The following CCDC146 variants were observed in gnomAD, a reference collection of about 807,000 sequenced individuals.
CCDC146 encodes the protein coiled-coil domain-containing protein 146.
In CCDC146, 92 loss-of-function variants were observed where a neutral mutation model predicts 119.3. That is an observed-to-expected ratio of 0.77 (90% CI 0.65 to 0.92). The LOEUF (loss-of-function observed/expected upper bound fraction) is 0.92. Among genes scored for constraint, CCDC146 ranks in the 40% least tolerant of loss-of-function variants. The pLI, the probability that CCDC146 is intolerant of heterozygous loss-of-function variation, is 0.00. For missense variants in CCDC146, 1,000 were observed against 1,103.0 expected (o/e 0.91, Z 1.32); for synonymous variants, 372 against 371.8 (o/e 1.00, Z -0.01).
chr7:77,123,403 G>GGGGTGTGTGTGTGTGT (rs1379477523), intron 1 of CCDC146, among the ~76,000 whole-genome samples: 1 of 125,194 alleles, frequency 8.0e-6, no homozygotes, highest in African/African-American at 3.0e-5. Context: ...GACCCTATAA[G>GGGGTGTGTGTGTGTGT]GTGTGTGTGT....
At position 77,286,818 on chromosome 7, in the gene CCDC146, A is replaced by C. The variant is rs374363890; in HGVS notation, c.2169A>C (p.Arg723Ser). Residue 723 changes from arginine (R) to serine (S), a missense_variant, in exon 16 of 19, where the codon AGA (arginine) becomes AGC (serine). Physicochemically the swap from Arg to Ser is moderately radical, Grantham distance 110. Around this residue, in one of 2 missense-constraint regions of CCDC146, gnomAD observed 985 missense variants for 1,045.3 expected, o/e 0.94. Coordinates refer to ENST00000285871, the MANE Select transcript of CCDC146 (RefSeq NM_020879.3). Reference protein sequence around the residue: ...LQIQFSQCTDRIKDLEKQFVK... With the variant: ...LQIQFSQCTDSIKDLEKQFVK... ...AATAGTTTTCACAGTGTACAGACAG[A>C]ATTAAAGACCTGGAGAAACAGTTCG... 12 of 1,613,720 alleles carry C rather than the reference A, an allele frequency of 7.4e-6. No homozygotes were observed. In the East Asian group the frequency reaches 2.2e-4, roughly 30 times the overall value.
At chr7:77,212,704 T>C (rs963714849) in intron 2 of CCDC146, among the ~76,000 whole-genome samples, 3 of 149,742 alleles carry the variant, frequency 2.0e-5, no homozygotes, top group Non-Finnish European at 4.5e-5. Context: ...AATAAATAAA[T>C]AAACAAAAAA....
At chr7:77,201,473 G>A (rs1289049925) in intron 2 of CCDC146, among the ~76,000 whole-genome samples, 11 of 151,648 alleles carry the variant, frequency 7.3e-5, no homozygotes, top group Admixed American at 7.2e-4. Flanking sequence ...AGAATCACTT[G>A]AACCCAGGAG....
At chr7:77,132,727 T>G (rs1221667715) in intron 1 of CCDC146, among the ~76,000 whole-genome samples, 2 of 151,660 alleles carry the variant, frequency 1.3e-5, no homozygotes, top group African/African-American at 4.8e-5. Context: ...ACAAAGTGAG[T>G]CTCTGTCTTA....
chr7:77,236,980 A>G lies in CCDC146; in HGVS notation c.190A>G (p.Met64Val). Residue 64 changes from methionine (M) to valine (V), a missense_variant, in exon 3 of 19, where the codon ATG becomes GTG. Physicochemically the swap from Met to Val is conservative, Grantham distance 21 (BLOSUM62 1). Around this residue, in one of 2 missense-constraint regions of CCDC146, gnomAD observed 985 missense variants for 1,045.3 expected, o/e 0.94. Transcript: ENST00000285871. The part of the protein sequence containing the change: ...HAMGKLPGTR[M>V]AALKAKYTLL... ...TATGGGAAAACTTCCTGGAACCAGA[A>G]TGGCAGCGTTAAAAGCCAAGTATAC... is the stretch of plus-strand genomic sequence containing the variant. 3.1e-6 allele frequency: 5 copies of G among 1,614,188 alleles called. No individual in the cohort carries two copies. Among genetic ancestry groups the G allele is most frequent in the South Asian group, 1.1e-5 (1 of 91,090 alleles).
chr7:77,151,739 G>A (rs1254983095), intron 1 of CCDC146, among the ~76,000 whole-genome samples: 1 of 152,118 alleles, frequency 6.6e-6, no homozygotes, highest in Non-Finnish European at 1.5e-5. Flanking sequence ...TTGTCTGGCC[G>A]ACGGTTGGTG....
chr7:77,240,293 T>C (rs1584102664), intron 3 of CCDC146, among the ~76,000 whole-genome samples: 2 of 152,344 alleles, frequency 1.3e-5, no homozygotes, highest in Admixed American at 6.5e-5. Flanking sequence ...CCAGCGGTAG[T>C]ACTTGTCATC....
chr7:77,278,777 A>G lies in CCDC146; in HGVS notation c.1466A>G (p.Glu489Gly), dbSNP rs1195850580. The G allele has an allele frequency of 8.1e-6, 13 of 1,611,236 alleles. No homozygotes were observed. Among genetic ancestry groups the G allele is most frequent in the Non-Finnish European group, 1.0e-5 (12 of 1,178,920 alleles). Residue 489 changes from glutamate (E) to glycine (G), a missense_variant, in exon 12 of 19, where the codon GAA becomes GGA. Physicochemically the swap from Glu to Gly is moderately conservative, Grantham distance 98 (BLOSUM62 -2). Around this residue, in one of 2 missense-constraint regions of CCDC146, gnomAD observed 985 missense variants for 1,045.3 expected, o/e 0.94. Transcript: ENST00000285871. The stretch of plus-strand genomic sequence containing the variant: ...CAAAAATACACCAACATTGTTAAAG[A>G]AATGAAAGCAAAGGATCTTGAAATC... Reference protein sequence around the residue: ...AQQKYTNIVKEMKAKDLEIRI... With the variant: ...AQQKYTNIVKGMKAKDLEIRI...
chr7:77,131,939 G>A (rs1284493316), intron 1 of CCDC146, among the ~76,000 whole-genome samples: 3 of 152,210 alleles, frequency 2.0e-5, no homozygotes, highest in African/African-American at 7.2e-5. Flanking sequence ...TTTACTTTGG[G>A]CCAAGGGAAG....
intron 1 of CCDC146, among the ~76,000 whole-genome samples, chr7:77,160,065 G>C (rs569884440): frequency 6.6e-6 from 1 of 152,212 alleles, no homozygotes; most frequent in Non-Finnish European, 1.5e-5. Flanking sequence ...GTTTGTCAAA[G>C]ATCAGATAGT....
At chr7:77,294,463 G>GGTGT (rs61323999) in intron 18 of CCDC146, among the ~76,000 whole-genome samples, 200 bp from the exon 19 acceptor site, 8,415 of 134,122 alleles carry the variant, frequency 0.063, 325 homozygotes, top group African/African-American at 0.1. Flanking sequence ...ATGAGAGGTA[G>GGTGT]GTGTGTGTGT....
In CCDC146 at chr7:77,209,384, G is replaced by A. The variant is rs376178517; in HGVS notation, c.157-27563G>A. 2.0e-4 allele frequency among the ~76,000 whole-genome samples: 30 copies of A among 152,326 alleles called. 1 individual carries two copies. In the South Asian group the frequency reaches 5.6e-3, roughly 28 times the overall value. On this transcript the variant is annotated intron_variant, in intron 2 of 18. Coordinates refer to ENST00000285871, the MANE Select transcript of CCDC146 (RefSeq NM_020879.3). ...ACTTCATGTCTCACATCCAAGCTAC[G>A]CTGACACAGGGGTGGGCTCTCAAGG...
chr7:77,169,821 G>A (rs1468099121), intron 2 of CCDC146, among the ~76,000 whole-genome samples: 1 of 152,056 alleles, frequency 6.6e-6, no homozygotes, highest in Non-Finnish European at 1.5e-5. Context: ...ATTTCTTGGA[G>A]GATCCCTAGT....
chr7:77,274,733 A>G lies in CCDC146; in HGVS notation c.1440+81A>G, dbSNP rs1793597816. The G allele has an allele frequency of 5.5e-6, 6 of 1,099,436 alleles. No homozygotes were observed. The Admixed American group carries it at 1.2e-4, about 22-fold the overall frequency. The allele number at this position is 1,099,436 out of a possible 1,614,324, so 68.1% of individuals were successfully genotyped here. On this transcript the variant is annotated intron_variant, in intron 11 of 18. Transcript: ENST00000285871. The stretch of plus-strand genomic sequence containing the variant: ...ATTATAATGCCACGTGCATTAGGAC[A>G]TGGATGAAGCTAGAAACCATCATTG...
chr7:77,252,126 G>A (rs1410022423), intron 4 of CCDC146, among the ~76,000 whole-genome samples: 1 of 152,120 alleles, frequency 6.6e-6, no homozygotes, highest in African/African-American at 2.4e-5. Flanking sequence ...TCCAGCCTAG[G>A]GAACAGAGCG....
At chr7:77,272,082 T>C (rs923934422) in intron 9 of CCDC146, among the ~76,000 whole-genome samples, 3 of 152,218 alleles carry the variant, frequency 2.0e-5, no homozygotes, top group Non-Finnish European at 2.9e-5. Context: ...AGGTCTTAAC[T>C]TGACTTTCCT....
At chr7:77,261,646 T>A (rs1793301199) in intron 8 of CCDC146, among the ~76,000 whole-genome samples, 1 of 150,886 alleles carries the variant, frequency 6.6e-6, no homozygotes, top group South Asian at 2.1e-4. Context: ...CCCGGCTAAT[T>A]TTTTGTATTT....
chr7:77,200,027 C>A (rs1562831095), intron 2 of CCDC146, among the ~76,000 whole-genome samples: 2 of 152,158 alleles, frequency 1.3e-5, no homozygotes, highest in African/African-American at 4.8e-5. Context: ...GTCAAATGTA[C>A]ACAGCCAACA....
intron 1 of CCDC146, among the ~76,000 whole-genome samples, chr7:77,151,713 C>T (rs73371562): frequency 0.011 from 1,700 of 152,204 alleles, 24 homozygotes; most frequent in African/African-American, 0.039. Flanking sequence ...TAGGTAGCAC[C>T]GTGGTTTCAG....
Sources: gnomAD v4.1 joint callset for allele counts (sites outside exome capture counted in the v4.1 genomes callset) on GRCh38, gnomAD v4.1.1 for gene constraint, gnomAD v4.1.1 regional missense constraint, MANE v1.5 for transcripts, NCBI Gene and HGNC (gene_info 2026-07-23, HGNC 2026-07-21) for gene names.